The following TBX5 variants were observed in gnomAD, a reference collection of about 807,000 sequenced individuals.
The protein encoded by TBX5 is T-box transcription factor TBX5.
In TBX5, 8 loss-of-function variants were observed where a neutral mutation model predicts 51.1. The ratio of observed to expected loss-of-function variants is 0.16; its 90% CI spans 0.09 to 0.28. The LOEUF (loss-of-function observed/expected upper bound fraction) is 0.28, where lower values mean the gene tolerates loss of function less well. Among genes scored for constraint, TBX5 ranks in the 10% least tolerant of loss-of-function variants. The probability of loss-of-function intolerance (pLI) is 1.00; values close to 1 mark genes in which losing one functional copy is unlikely to be tolerated. For synonymous variants in TBX5, 302 were observed against 266.4 expected, an observed-to-expected ratio of 1.13 and a Z score of -1.30; for missense variants, 589 against 671.7, an observed-to-expected ratio of 0.88 and a Z score of 1.36.
intron 1 of TBX5, among the ~76,000 whole-genome samples, chr12:114,404,372 C>T (rs1872056158): frequency 6.6e-6 from 1 of 152,082 alleles, no homozygotes; most frequent in Admixed American, 6.6e-5. Context: ...TTTCTTTCTT[C>T]GCCAAATTAC....
Position 114,355,583 on chromosome 12 carries a change from G to T in TBX5, c.1506C>A (p.Tyr502Ter). 1 of 1,614,208 alleles carries T rather than the reference G, an allele frequency of 6.2e-7. No homozygotes were observed. Among genetic ancestry groups the T allele is most frequent in the Non-Finnish European group, 8.5e-7 (1 of 1,180,046 alleles). ...GVPRTLSPHQ[Y>*]HSVHGVGMVP... ...CCATGCCAACTCCGTGCACAGAGTG[G>T]TACTGATGAGGGGATAGAGTCCTTG... Residue 502 changes from tyrosine (Y) to a stop codon, truncating the protein, a stop_gained, in exon 9 of 9, where the codon TAC (tyrosine) becomes TAA (stop). Coordinates refer to ENST00000405440, the MANE Select transcript of TBX5 (RefSeq NM_181486.4). LOFTEE classifies it high-confidence loss of function.
rs528287772 is a variant in TBX5, at chr12:114,362,286, C to T, written c.982+3879G>A. 4.6e-5 allele frequency among the ~76,000 whole-genome samples: 7 copies of T among 152,254 alleles called. No homozygotes were observed. In the South Asian group the frequency reaches 1.5e-3, roughly 32 times the overall value. On this transcript the variant is annotated intron_variant, in intron 8 of 8. Coordinates refer to ENST00000405440, the MANE Select transcript of TBX5 (RefSeq NM_181486.4). ...GGCATGTTACTCACAAATTTAAATC[C>T]CTCCAATGGACGTGCACTGGTGGTA...
intron 6 of TBX5, among the ~76,000 whole-genome samples, chr12:114,392,038 C>T (rs888417122): frequency 2.0e-5 from 3 of 151,894 alleles, no homozygotes; most frequent in Non-Finnish European, 4.4e-5. Flanking sequence ...CTCCCTGACT[C>T]AATCAATACA....
At chr12:114,402,635 G>A (rs1871900029) in intron 2 of TBX5, among the ~76,000 whole-genome samples, 1 of 152,038 alleles carries the variant, frequency 6.6e-6, no homozygotes, top group Admixed American at 6.5e-5. Context: ...TTTGATTATA[G>A]GACACGCCTG....
In TBX5 at chr12:114,399,280, G is replaced by T. The variant is rs112645043; in HGVS notation, c.362+233C>A. 3.3e-5 allele frequency among the ~76,000 whole-genome samples: 5 copies of T among 152,254 alleles called. No homozygotes were observed. In the South Asian group the frequency reaches 1.0e-3, roughly 32 times the overall value. On this transcript the variant is annotated intron_variant, in intron 4 of 8. Coordinates refer to ENST00000405440, the MANE Select transcript of TBX5 (RefSeq NM_181486.4). ...CCTGTGGGTGCAGCAATAGACACAG[G>T]CACCTCACTTCCTCTGAGCCTCCGC...
In TBX5 at chr12:114,406,117, T is replaced by C. The variant is rs1283504643; in HGVS notation, c.-528A>G. ...CCAACTCAGCTGAGCACAGTGACGT[T>C]GGGTTGCCTCGATGCTCACAAAGTA... On this transcript the variant is annotated 5_prime_UTR_variant, in exon 1 of 9. Coordinates refer to ENST00000405440, the MANE Select transcript of TBX5 (RefSeq NM_181486.4). The C allele has an allele frequency of 2.4e-6, 2 of 839,490 alleles. No individual in the cohort carries two copies. Among genetic ancestry groups the C allele is most frequent in the African/African-American group, 1.8e-5 (1 of 54,086 alleles). 52.0% of individuals were successfully genotyped at this position (839,490 alleles called of 1,614,324 possible).
At chr12:114,385,614 T>C in intron 6 of TBX5, 47 bp from the exon 7 acceptor site, 1 of 1,466,778 alleles carries the variant, frequency 6.8e-7, no homozygotes, top group Non-Finnish European at 9.6e-7. Context: ...ACTTGATTGC[T>C]GCAAGACCAC....
chr12:114,404,957 A>C (rs1404398753), intron 1 of TBX5, among the ~76,000 whole-genome samples: 1 of 152,210 alleles, frequency 6.6e-6, no homozygotes, highest in Non-Finnish European at 1.5e-5. Flanking sequence ...AACACACAAA[A>C]TAACTGCCGC....
At chr12:114,373,747 G>A (rs1245951856) in intron 7 of TBX5, among the ~76,000 whole-genome samples, 3 of 152,146 alleles carry the variant, frequency 2.0e-5, no homozygotes, top group South Asian at 2.1e-4. Context: ...ATGAGCCACC[G>A]CACCCAGCCT....
chr12:114,407,182 T>A, upstream of TBX5: 3 of 896,994 alleles, frequency 3.3e-6, no homozygotes, highest in South Asian at 1.5e-4. Context: ...AAGTGGAGAA[T>A]CTCCAACCCT....
intron 7 of TBX5, among the ~76,000 whole-genome samples, chr12:114,382,143 T>C (rs1870537414): frequency 6.6e-6 from 1 of 151,880 alleles, no homozygotes; most frequent in Non-Finnish European, 1.5e-5. Context: ...GGGGAGATCC[T>C]GCCTCTACAA....
At chr12:114,396,716 C>T (rs1353594935) in intron 5 of TBX5, among the ~76,000 whole-genome samples, 2 of 152,196 alleles carry the variant, frequency 1.3e-5, no homozygotes, top group African/African-American at 2.4e-5. Context: ...GGGTCCCATC[C>T]TCCAGAAGGA....
chr12:114,401,703 C>G, intron 3 of TBX5, 123 bp downstream of exon 3: 2 of 861,644 alleles, frequency 2.3e-6, no homozygotes, highest in East Asian at 2.6e-5. Flanking sequence ...CCTTTCTCTT[C>G]TTTCTCTATA....
rs182223434 is a variant in TBX5 at position 114,360,677 on chromosome 12, T to C, written c.983-4571A>G. On this transcript the variant is annotated intron_variant, in intron 8 of 8. Coordinates refer to ENST00000405440, the MANE Select transcript of TBX5 (RefSeq NM_181486.4). ...GTGGATGGATGAGTGAGTGGATAGA[T>C]AGATGAGTGATGGATGGGTGGATGG... Among the ~76,000 whole-genome samples the C allele has an allele frequency of 1.9e-4, 26 of 137,072 alleles. No homozygotes were observed. In the East Asian group the frequency reaches 5.6e-3, roughly 30 times the overall value. 89.9% of individuals were successfully genotyped at this position (137,072 alleles called of 152,430 possible).
chr12:114,389,789 A>AAAAAAAG (rs1871058412), intron 6 of TBX5, among the ~76,000 whole-genome samples: 5 of 126,228 alleles, frequency 4.0e-5, no homozygotes, highest in African/African-American at 6.1e-5. Flanking sequence ...AAAAAAAAAA[A>AAAAAAAG]GTGGATGAAG....
intron 8 of TBX5, among the ~76,000 whole-genome samples, chr12:114,365,051 A>T (rs185292812): frequency 1.6e-5 from 2 of 128,792 alleles, no homozygotes; most frequent in Non-Finnish European, 3.4e-5. Context: ...GCCCCTTTGG[A>T]CTTGGATGAC....
intron 7 of TBX5, among the ~76,000 whole-genome samples, chr12:114,376,287 A>C (rs1164084831): frequency 6.6e-6 from 1 of 152,140 alleles, no homozygotes; most frequent in African/African-American, 2.4e-5. Flanking sequence ...ACACACACAC[A>C]CACACTAGAA....
chr12:114,357,800 T>C (rs1440575080), intron 8 of TBX5, among the ~76,000 whole-genome samples: 5 of 152,258 alleles, frequency 3.3e-5, no homozygotes, highest in African/African-American at 9.6e-5. Flanking sequence ...TCTTTCTGTC[T>C]CTTTCTAGTC....
At chr12:114,404,736 G>C (rs576592845) in intron 1 of TBX5, among the ~76,000 whole-genome samples, 1 of 152,240 alleles carries the variant, frequency 6.6e-6, no homozygotes, top group South Asian at 2.1e-4. Flanking sequence ...GATGCCGGGC[G>C]GGGGATGGCG....
Sources: allele counts gnomAD v4.1 joint callset (sites outside exome capture counted in the v4.1 genomes callset), GRCh38; gene constraint gnomAD v4.1.1; transcripts MANE v1.5; gene names NCBI Gene and HGNC (gene_info 2026-07-23, HGNC 2026-07-21).